Variants in ZNF483 observed in about 807,000 individuals in gnomAD.
The protein encoded by ZNF483 is zinc finger protein 483.
In ZNF483, 9 loss-of-function variants were observed where a neutral mutation model predicts 28.6. That is an observed-to-expected ratio of 0.32 (90% CI 0.19 to 0.55). The LOEUF is 0.55. ZNF483 is among the 20% of genes least tolerant of loss of function. ZNF483 has a pLI of 0.93. For missense variants in ZNF483, 675 were observed against 871.7 expected (o/e 0.77, Z 2.84); for synonymous variants, 322 against 306.2 (o/e 1.05, Z -0.54).
At chr9:111,570,349 G>C (rs1339054511) in intron 5 of ZNF483, 5 of 1,375,062 alleles carry the variant, frequency 3.6e-6, no homozygotes, top group Non-Finnish European at 4.8e-6. Context: ...ACTCCTTTCT[G>C]ATCCACGGGA....
Position 111,546,671 on chromosome 9 carries a change from T to A in ZNF483, c.*3501T>A, listed in dbSNP as rs1349931121. On this transcript the variant is annotated 3_prime_UTR_variant, in exon 6 of 6. Transcript: ENST00000309235. ...TATTTATTTTAGAATTATTTTTTAATGTAGTAAGATACATATAGCTTAAAA... is the reference window on the plus strand; with the variant it reads ...TATTTATTTTAGAATTATTTTTTAAAGTAGTAAGATACATATAGCTTAAAA... 6.6e-6 allele frequency among the ~76,000 whole-genome samples: 1 copy of A among 152,224 alleles called. No individual in the cohort carries two copies. The highest frequency in any genetic ancestry group is 1.9e-4 in the East Asian group (1 of 5,200).
chr9:111,571,769 A>G (rs938969843), intron 5 of ZNF483, among the ~76,000 whole-genome samples: 1 of 152,050 alleles, frequency 6.6e-6, no homozygotes, highest in African/African-American at 2.4e-5. Context: ...CTCCCAAAAT[A>G]TTGGGATTAC....
intron 5 of ZNF483, among the ~76,000 whole-genome samples, chr9:111,571,396 G>A (rs1029422254): frequency 6.7e-6 from 1 of 149,660 alleles, no homozygotes; most frequent in African/African-American, 2.4e-5. Context: ...GTGACAGAGC[G>A]AGACTCGGTT....
chr9:111,570,204 G>A lies in ZNF483; in HGVS notation c.722-6161G>A, dbSNP rs530800998. 1,264 of 1,613,152 alleles carry A rather than the reference G, an allele frequency of 7.8e-4. 24 individuals are homozygous for A. The South Asian group carries it at 0.013, about 17-fold the overall frequency. The stretch of plus-strand genomic sequence containing the variant: ...TCCTGATAGATAACAATCTCTGGGG[G>A]TGGGCCTGTGAAGAGAAGGGCACAT... On this transcript the variant is annotated intron_variant, in intron 5 of 5. Transcript: ENST00000358151.
In ZNF483 at chr9:111,543,756, ACTTCT is replaced by A; in HGVS notation, c.*587_*591del. ...ACAATACCACTATTCAGGATGCTGGACTTCTTTTCTTTTTTTTTTCTTTTTTTTTT... is the reference window on the plus strand; with the variant it reads ...ACAATACCACTATTCAGGATGCTGGATTTCTTTTTTTTTTCTTTTTTTTTT... On this transcript the variant is annotated 3_prime_UTR_variant, in exon 6 of 6. Transcript: ENST00000309235. 2 of 952,838 alleles carry A rather than the reference ACTTCT, an allele frequency of 2.1e-6. No individual in the cohort carries two copies. Among genetic ancestry groups the A allele is most frequent in the Non-Finnish European group, 2.5e-6 (2 of 804,810 alleles). The allele number at this position is 952,838 out of a possible 1,614,324, so 59.0% of individuals were successfully genotyped here.
Position 111,573,687 on chromosome 9 carries a change from G to A in ZNF483, c.722-2678G>A, listed in dbSNP as rs550424137. ...CTTAGAAGACTGGTCTTTGTTTTGAGTCTGTTGCCAATAGGAGTTAAAGAG... is the reference window on the plus strand; with the variant it reads ...CTTAGAAGACTGGTCTTTGTTTTGAATCTGTTGCCAATAGGAGTTAAAGAG... On this transcript the variant is annotated intron_variant, in intron 5 of 5. Coordinates refer to the ZNF483 transcript ENST00000358151. Among the ~76,000 whole-genome samples, 48 of 152,260 alleles carry A rather than the reference G, an allele frequency of 3.2e-4. 2 individuals are homozygous for A. The Middle Eastern group carries it at 0.017, about 54-fold the overall frequency.
downstream of ZNF483, among the ~76,000 whole-genome samples, chr9:111,556,157 T>C (rs1008535757): frequency 2.6e-4 from 39 of 152,206 alleles, no homozygotes; most frequent in African/African-American, 7.7e-4. Context: ...CAAAACCTGG[T>C]GGGGCAGTCA....
chr9:111,544,900 A>G lies in ZNF483; in HGVS notation c.*1730A>G, dbSNP rs1827769653. Among the ~76,000 whole-genome samples the G allele has an allele frequency of 1.3e-5, 2 of 152,192 alleles. No homozygotes were observed. Among genetic ancestry groups the G allele is most frequent in the African/African-American group, 2.4e-5 (1 of 41,458 alleles). The stretch of plus-strand genomic sequence containing the variant: ...AACCCCATGGACTCAACAGTGGTCT[A>G]GAAATAAGTTCCTAAAGTTGAAATT... On this transcript the variant is annotated 3_prime_UTR_variant, in exon 6 of 6. Transcript: ENST00000309235.
intron 5 of ZNF483, among the ~76,000 whole-genome samples, chr9:111,540,801 C>G (rs1479228880): frequency 6.6e-6 from 1 of 152,132 alleles, no homozygotes; most frequent in Non-Finnish European, 1.5e-5. Context: ...AGAGCACGGG[C>G]TTTGGTTTCA....
Position 111,563,261 on chromosome 9 carries a change from CTTAAT to C in ZNF483, c.722-13098_722-13094del, listed in dbSNP as rs753470836. 39 of 1,591,318 alleles carry C rather than the reference CTTAAT, an allele frequency of 2.5e-5. No homozygotes were observed. In the African/African-American group the frequency reaches 2.8e-4, roughly 12 times the overall value. ...ATCAAAGCAACAACAAATTTTAAAACTTAATTTAATATTCTCAATGATATACTGTT... is the reference window on the plus strand; with the variant it reads ...ATCAAAGCAACAACAAATTTTAAAACTTAATATTCTCAATGATATACTGTT... On this transcript the variant is annotated intron_variant, in intron 5 of 5. Coordinates refer to the ZNF483 transcript ENST00000358151.
At chr9:111,568,936 G>T (rs1828692053) in intron 5 of ZNF483, among the ~76,000 whole-genome samples, 1 of 152,182 alleles carries the variant, frequency 6.6e-6, no homozygotes, top group African/African-American at 2.4e-5. Flanking sequence ...AGAACCACCA[G>T]AATCTCCTTA....
At position 111,551,721 on chromosome 9, in the gene ZNF483, T is replaced by C. The variant is rs1483490560; in HGVS notation, c.*8551T>C. Among the ~76,000 whole-genome samples the C allele has an allele frequency of 1.3e-5, 2 of 152,220 alleles. No individual in the cohort carries two copies. The highest frequency in any genetic ancestry group is 2.9e-5 in the Non-Finnish European group (2 of 68,032). ...ACAACCCCAATTTTTGTTTAAAATTTGCATCCACATTAACAAAACTTTTAT... is the reference window on the plus strand; with the variant it reads ...ACAACCCCAATTTTTGTTTAAAATTCGCATCCACATTAACAAAACTTTTAT... On this transcript the variant is annotated 3_prime_UTR_variant, in exon 6 of 6. Transcript: ENST00000309235.
At chr9:111,536,800 T>C (rs1351488648) in intron 5 of ZNF483, among the ~76,000 whole-genome samples, 1 of 152,014 alleles carries the variant, frequency 6.6e-6, no homozygotes, top group Admixed American at 6.6e-5. Context: ...TGAAGCCTTA[T>C]TGATAACATA....
Position 111,547,498 on chromosome 9 carries a change from CGTT to C in ZNF483, c.*4335_*4337del, listed in dbSNP as rs137974300. Among the ~76,000 whole-genome samples, 4,328 of 151,938 alleles carry C rather than the reference CGTT, an allele frequency of 0.028. 191 individuals are homozygous for C. Among genetic ancestry groups the C allele is most frequent in the African/African-American group, 0.096 (3,990 of 41,404 alleles). On this transcript the variant is annotated 3_prime_UTR_variant, in exon 6 of 6. Transcript: ENST00000309235. The stretch of plus-strand genomic sequence containing the variant: ...CCCATTTTTTAATTGGTTTTGTTGG[CGTT>C]GTTGTTTAGTTGTAGAAGTTCTTAA...
intron 1 of ZNF483, among the ~76,000 whole-genome samples, chr9:111,527,062 A>G (rs998780261): frequency 6.6e-6 from 1 of 152,046 alleles, no homozygotes; most frequent in Non-Finnish European, 1.5e-5. Flanking sequence ...AGATCGCACC[A>G]CTTCACTCCA....
intron 1 of ZNF483, among the ~76,000 whole-genome samples, chr9:111,525,875 GTTGTTATTGGTA>G (rs1827174579): frequency 6.6e-6 from 1 of 152,102 alleles, no homozygotes; most frequent in African/African-American, 2.4e-5. Flanking sequence ...TCGGAAGTGG[GTTGTTATTGGTA>G]TGGTAGTTGC....
chr9:111,565,982 C>G (rs144199697), intron 5 of ZNF483, among the ~76,000 whole-genome samples: 62 of 152,182 alleles, frequency 4.1e-4, no homozygotes, highest in African/African-American at 1.5e-3. Context: ...GAGGCTGAGG[C>G]AGGAGAATCA....
intron 3 of ZNF483, among the ~76,000 whole-genome samples, chr9:111,532,861 A>G (rs1417988977): frequency 6.6e-6 from 1 of 151,880 alleles, no homozygotes; most frequent in Admixed American, 6.6e-5. Context: ...GTGAGCCGAG[A>G]TCATGCCACT....
intron 1 of ZNF483, among the ~76,000 whole-genome samples, chr9:111,525,732 C>A (rs1020944203): frequency 6.6e-5 from 10 of 152,104 alleles, no homozygotes; most frequent in Non-Finnish European, 1.5e-4. Context: ...ATGTAAACTC[C>A]CTGTAGACGG....
Sources: allele counts gnomAD v4.1 joint callset (sites outside exome capture counted in the v4.1 genomes callset), GRCh38; gene constraint gnomAD v4.1.1; transcripts MANE v1.5; gene names NCBI Gene and HGNC (gene_info 2026-07-23, HGNC 2026-07-21).